TASOR: variants seen among roughly 807,000 people sequenced by gnomAD.
The protein encoded by TASOR is transcription activation suppressor, also known as protein TASOR.
In TASOR, 53 loss-of-function variants were observed where a neutral mutation model predicts 178.6. That is an observed-to-expected ratio of 0.30 (90% CI 0.24 to 0.37). TASOR has a LOEUF of 0.37. TASOR is among the 10% of genes least tolerant of loss of function. TASOR has a pLI of 1.00. For synonymous variants in TASOR, 713 were observed against 696.2 expected (o/e 1.02, Z -0.38); for missense variants, 1,815 against 1,971.4 (o/e 0.92, Z 1.50).
intron 6 of TASOR, among the ~76,000 whole-genome samples, chr3:56,667,913 T>C (rs1359242366): frequency 1.3e-5 from 2 of 152,198 alleles, no homozygotes; most frequent in Admixed American, 6.5e-5. Flanking sequence ...GCTTAAAAAA[T>C]AGTTCTAGGT....
intron 11 of TASOR, among the ~76,000 whole-genome samples, chr3:56,654,781 A>G (rs749607283): frequency 9.2e-5 from 14 of 152,198 alleles, no homozygotes; most frequent in Non-Finnish European, 1.5e-4. Context: ...TCAGACTTGA[A>G]CTGAAACATT....
At chr3:56,642,770 C>T (rs996063712) in intron 14 of TASOR, among the ~76,000 whole-genome samples, 13 of 151,904 alleles carry the variant, frequency 8.6e-5, no homozygotes, top group African/African-American at 2.9e-4. Flanking sequence ...GTCAGGAGAT[C>T]GAGACCATCC....
chr3:56,668,430 T>C lies in TASOR; in HGVS notation c.864A>G (p.Ser288=), dbSNP rs2030292175. 1 of 1,551,544 alleles carries C rather than the reference T, an allele frequency of 6.4e-7. No individual in the cohort carries two copies. Among genetic ancestry groups the C allele is most frequent in the Admixed American group, 2.0e-5 (1 of 50,984 alleles). The part of the protein sequence containing the change: ...HVSKNANRIT[S]LLAYRAYELT... ...GCTCATAGGCTCTGTAAGCCAAAAGTGATGTAATTCGATTGGCATTCTTTG... is the reference window on the plus strand; with the variant it reads ...GCTCATAGGCTCTGTAAGCCAAAAGCGATGTAATTCGATTGGCATTCTTTG... Residue 288 remains serine (S), a synonymous_variant, in exon 6 of 24, where the codon TCA becomes TCG. Coordinates refer to ENST00000683822, the MANE Select transcript of TASOR (RefSeq NM_001365635.2).
rs1298493728 is a variant in TASOR at position 56,668,571 on chromosome 3, A to C, written c.736-13T>G. On this transcript the variant is annotated splice_polypyrimidine_tract_variant and intron_variant, in intron 5 of 23. Transcript: ENST00000683822. Reference sequence around the variant, plus strand: ...TCTTTATTTTACCCTAAAATAGAGAAAACCTTTTAAGTGTCTACCTAAACC... The same window carrying C: ...TCTTTATTTTACCCTAAAATAGAGACAACCTTTTAAGTGTCTACCTAAACC... 1 of 1,522,464 alleles carries C rather than the reference A, an allele frequency of 6.6e-7. No individual in the cohort carries two copies. The highest frequency in any genetic ancestry group is 1.2e-5 in the South Asian group (1 of 80,520). 94.3% of individuals were successfully genotyped at this position (1,522,464 alleles called of 1,614,324 possible). A position where few individuals can be genotyped will look rare whatever the true frequency, so the allele number is the denominator to read the frequency against.
intron 23 of TASOR, 142 bp downstream of exon 23, chr3:56,624,337 T>C (rs563721709): frequency 2.9e-4 from 220 of 752,120 alleles, no homozygotes; most frequent in Non-Finnish European, 2.5e-4. Context: ...ATTAGAATGA[T>C]AAATGTCTTG....
At chr3:56,665,011 G>T (rs1203814395) in intron 7 of TASOR, among the ~76,000 whole-genome samples, 2 of 152,070 alleles carry the variant, frequency 1.3e-5, no homozygotes, top group Admixed American at 6.6e-5. Context: ...CCATTTCCAT[G>T]AAAACTAAAA....
At position 56,633,421 on chromosome 3, in the gene TASOR, A is replaced by C; in HGVS notation, c.3370T>G (p.Ser1124Ala). 1 of 1,614,128 alleles carries C rather than the reference A, an allele frequency of 6.2e-7. No homozygotes were observed. Among genetic ancestry groups the C allele is most frequent in the Non-Finnish European group, 8.5e-7 (1 of 1,179,988 alleles). ...NPLERHVIPV[S>A]SSDFNNKHLL... is the part of the protein sequence containing the mutation. Reference sequence around the variant, plus strand: ...TGTTTATTGTTGAAGTCACTTGAGGAAACTGGTATGACATGCCTTTCCAGA... The same window carrying C: ...TGTTTATTGTTGAAGTCACTTGAGGCAACTGGTATGACATGCCTTTCCAGA... The change falls in exon 18 of 24, where the codon TCC (serine) becomes GCC (alanine). Residue 1124 changes from serine (S) to alanine (A), a missense_variant. By Grantham distance (99) the Ser-to-Ala change is moderately conservative. This residue lies in a region of TASOR where 655 missense variants were observed against 671.1 expected (regional missense o/e 0.98). Coordinates refer to ENST00000683822, the MANE Select transcript of TASOR (RefSeq NM_001365635.2).
At chr3:56,678,015 C>T (rs1021744160) in intron 1 of TASOR, among the ~76,000 whole-genome samples, 1 of 152,012 alleles carries the variant, frequency 6.6e-6, no homozygotes, top group African/African-American at 2.4e-5. Context: ...ATGTATTTTA[C>T]GAGACTGAAG....
At chr3:56,668,305 G>A in intron 6 of TASOR, 92 bp downstream of exon 6, 1 of 1,206,042 alleles carries the variant, frequency 8.3e-7, no homozygotes, top group African/African-American at 1.5e-5. Flanking sequence ...AGACTAATGT[G>A]GGGACAGAGA....
At chr3:56,656,891 T>C (rs1300190349) in intron 11 of TASOR, among the ~76,000 whole-genome samples, 6 of 150,820 alleles carry the variant, frequency 4.0e-5, no homozygotes, top group African/African-American at 1.5e-4. Context: ...ATGCCTGTAA[T>C]CCCAGCTACT....
rs1336886512 is a variant in TASOR, at chr3:56,633,460, T to C, written c.3331A>G (p.Ile1111Val). 1.9e-6 allele frequency: 3 copies of C among 1,614,068 alleles called. No individual in the cohort carries two copies. The highest frequency in any genetic ancestry group is 4.5e-5 in the East Asian group (2 of 44,904). ...PVSPNDSGAK[I>V]ASNPLERHVI... ...TGCCTTTCCAGAGGATTCGATGCTA[T>C]CTTAGCACCAGAATCGTTAGGACTG... Residue 1111 changes from isoleucine to valine, a missense_variant, in exon 18 of 24, where the codon ATA (isoleucine) becomes GTA (valine). By Grantham distance (29) the Ile-to-Val change is conservative (BLOSUM62 3). Around this residue, in one of 5 missense-constraint regions of TASOR, gnomAD observed 655 missense variants for 671.1 expected, o/e 0.98. Coordinates refer to ENST00000683822, the MANE Select transcript of TASOR (RefSeq NM_001365635.2).
At chr3:56,656,688 A>G (rs2077477620) in intron 11 of TASOR, among the ~76,000 whole-genome samples, 1 of 152,074 alleles carries the variant, frequency 6.6e-6, no homozygotes, top group African/African-American at 2.4e-5. Flanking sequence ...GAGCAAGACT[A>G]GTATCCAGAA....
chr3:56,646,571 T>C lies in TASOR; in HGVS notation c.2166A>G (p.Arg722=). ...RKLEDLPENM[R]KLAKTSNLSE... ...ATAAATTACTGGTTTTGGCGAGCTT[T>C]CTCATATTTTCAGGTAGATCCTCAA... The change falls in exon 14 of 24, where the codon AGA becomes AGG. Residue 722 remains arginine (R), a synonymous_variant. Transcript: ENST00000683822. 1.2e-6 allele frequency: 2 copies of C among 1,609,662 alleles called. No individual in the cohort carries two copies. Among genetic ancestry groups the C allele is most frequent in the East Asian group, 2.2e-5 (1 of 44,868 alleles).
chr3:56,681,456 C>T (rs1383809895), intron 1 of TASOR, among the ~76,000 whole-genome samples: 1 of 152,198 alleles, frequency 6.6e-6, no homozygotes, highest in Non-Finnish European at 1.5e-5. Flanking sequence ...TGGTTTCTCA[C>T]ACCAAGTATT....
intron 1 of TASOR, among the ~76,000 whole-genome samples, chr3:56,680,791 T>C (rs577707311): frequency 3.3e-5 from 5 of 152,080 alleles, no homozygotes; most frequent in Admixed American, 6.6e-5. Context: ...CATGACAAAG[T>C]CCACTGCGAT....
At chr3:56,658,247 G>C (rs181840039) in intron 11 of TASOR, among the ~76,000 whole-genome samples, 1 of 152,212 alleles carries the variant, frequency 6.6e-6, no homozygotes, top group African/African-American at 2.4e-5. Context: ...TTAAGATCTA[G>C]GATTTTACTT....
chr3:56,631,936 A>G (rs185634947), intron 18 of TASOR, among the ~76,000 whole-genome samples: 18 of 152,322 alleles, frequency 1.2e-4, no homozygotes, highest in Admixed American at 1.2e-3. Context: ...CAGCTTCGGT[A>G]GAAAAAATAC....
At chr3:56,678,631 T>C (rs1236810088) in intron 1 of TASOR, among the ~76,000 whole-genome samples, 1 of 152,256 alleles carries the variant, frequency 6.6e-6, no homozygotes, top group Non-Finnish European at 1.5e-5. Flanking sequence ...CTTTTTGTAT[T>C]ATGTATACAT....
intron 17 of TASOR, among the ~76,000 whole-genome samples, chr3:56,636,404 G>GTGTTGTTGT (rs1319501306): frequency 6.8e-6 from 1 of 146,892 alleles, no homozygotes; most frequent in African/African-American, 2.5e-5. Context: ...GGTGGTGGTG[G>GTGTTGTTGT]TGTTGTTGTT....
Sources: allele counts gnomAD v4.1 joint callset (sites outside exome capture counted in the v4.1 genomes callset), GRCh38; gene constraint gnomAD v4.1.1; regional missense constraint gnomAD v4.1.1; transcripts MANE v1.5; gene names NCBI Gene and HGNC (gene_info 2026-07-23, HGNC 2026-07-21).